STRA8: variants seen among roughly 807,000 people sequenced by gnomAD.
The protein encoded by STRA8 is stimulated by retinoic acid gene 8 protein homolog.
A neutral mutation model predicts 37.1 loss-of-function variants in STRA8; 18 were observed. The ratio of observed to expected loss-of-function variants is 0.48; its 90% CI spans 0.34 to 0.72. The LOEUF (loss-of-function observed/expected upper bound fraction) is 0.72. Ranked by LOEUF, STRA8 falls within the 30% of genes least tolerant of loss-of-function variation. STRA8 has a pLI of 0.01. For missense variants in STRA8, 357 were observed against 410.4 expected, an observed-to-expected ratio of 0.87 and a Z score of 1.13; for synonymous variants, 168 against 162.9, an observed-to-expected ratio of 1.03 and a Z score of -0.24.
intron 8 of STRA8, among the ~76,000 whole-genome samples, chr7:135,258,016 C>T (rs910152442): frequency 7.2e-5 from 11 of 152,272 alleles, no homozygotes; most frequent in Non-Finnish European, 1.5e-4. Context: ...ACAGAGAGCA[C>T]GCTGTCTCAT....
chr7:135,255,689 G>A (rs2075382), intron 8 of STRA8, among the ~76,000 whole-genome samples: 35,566 of 152,152 alleles, frequency 0.23, 5,048 homozygotes, highest in East Asian at 0.54. Flanking sequence ...GATGATCTGA[G>A]GTGGAAGAGT....
In STRA8 at chr7:135,254,666, G is replaced by C. The variant is rs186896300; in HGVS notation, c.954-448G>C. 1.5e-3 allele frequency among the ~76,000 whole-genome samples: 222 copies of C among 152,354 alleles called. 2 individuals carry two copies. Among genetic ancestry groups the C allele is most frequent in the Admixed American group, 0.014 (207 of 15,304 alleles). On this transcript the variant is annotated intron_variant, in intron 7 of 8. Coordinates refer to ENST00000662584, the MANE Select transcript of STRA8 (RefSeq NM_001394401.1). ...TTGTCCCAGGCAGGCAGGAGGAAAAGAGCCTGCACAACAGGCCTCCTTTCT... is the reference window on the plus strand; with the variant it reads ...TTGTCCCAGGCAGGCAGGAGGAAAACAGCCTGCACAACAGGCCTCCTTTCT...
intron 8 of STRA8, among the ~76,000 whole-genome samples, chr7:135,258,097 A>T (rs1002441270): frequency 4.7e-4 from 72 of 152,272 alleles, no homozygotes; most frequent in Non-Finnish European, 8.4e-4. Context: ...ACCGTCTTCT[A>T]TTGATGAGCA....
rs367902224 is a variant in STRA8 at position 135,246,850 on chromosome 7, T to C, written c.879+148T>C. The C allele has an allele frequency of 7.6e-4, 248 of 328,014 alleles. No homozygotes were observed. In the African/African-American group the frequency reaches 0.011, roughly 15 times the overall value. 20.3% of individuals were successfully genotyped at this position (328,014 alleles called of 1,614,324 possible). On this transcript the variant is annotated intron_variant, in intron 6 of 8. Coordinates refer to ENST00000662584, the MANE Select transcript of STRA8 (RefSeq NM_001394401.1). This position sits in a 1 kb window ranked among gnomAD's most constrained non-coding sequence, Gnocchi z 5.4. ...CGGTTTCTGATTTTCTTTTTTCTCT[T>C]TTTTTTTTTTTTGAGACGGAGTCTC...
chr7:135,243,352 G>A lies in STRA8; in HGVS notation c.295G>A (p.Ala99Thr). 6.2e-7 allele frequency: 1 copy of A among 1,614,202 alleles called. No homozygotes were observed. The highest frequency in any genetic ancestry group is 2.2e-5 in the East Asian group (1 of 44,886). ...ATCCTTCAACCTGGAAGATGGGCATGCAAGCAGCTTAGAGGAGGTCAAGAA... is the reference window on the plus strand; with the variant it reads ...ATCCTTCAACCTGGAAGATGGGCATACAAGCAGCTTAGAGGAGGTCAAGAA... ...KASFNLEDGH[A>T]SSLEEVKKEY... Residue 99 changes from alanine (A) to threonine (T), a missense_variant, in exon 4 of 9, where the codon GCA becomes ACA. Ala to Thr is a moderately conservative substitution (Grantham distance 58). Transcript: ENST00000662584.
chr7:135,232,124 C>A, upstream of STRA8: 4 of 615,390 alleles, frequency 6.5e-6, no homozygotes, highest in South Asian at 1.4e-5. Context: ...GTGGTTGGGG[C>A]GGGAGGTGGG....
At chr7:135,251,979 G>GAGAC (rs902444478) in intron 7 of STRA8, 110 bp downstream of exon 7, 2 of 951,292 alleles carry the variant, frequency 2.1e-6, no homozygotes, top group Non-Finnish European at 3.4e-6. Context: ...TGGTAAGTCA[G>GAGAC]AGACAGAGAG....
chr7:135,247,616 G>A (rs542604398), intron 6 of STRA8, among the ~76,000 whole-genome samples: 9 of 152,328 alleles, frequency 5.9e-5, no homozygotes, highest in East Asian at 1.9e-4. Context: ...CCAATGACTG[G>A]CCATAGAGGG....
At chr7:135,253,187 G>A (rs184431838) in intron 7 of STRA8, among the ~76,000 whole-genome samples, 4 of 152,130 alleles carry the variant, frequency 2.6e-5, no homozygotes, top group East Asian at 1.9e-4. Flanking sequence ...CACCCACCTC[G>A]GCTCCCAAAA....
chr7:135,251,706 G>A, intron 6 of STRA8, 90 bp from the exon 7 acceptor site: 1 of 1,274,598 alleles, frequency 7.8e-7, no homozygotes, highest in Non-Finnish European at 1.1e-6. Context: ...TAAAGAGAGA[G>A]CCTTTCCACT....
intron 6 of STRA8, among the ~76,000 whole-genome samples, chr7:135,247,512 C>T (rs1047876377): frequency 4.6e-5 from 7 of 152,178 alleles, no homozygotes; most frequent in African/African-American, 7.2e-5. Flanking sequence ...AGATTTCCTA[C>T]GAAAGCTCTT....
chr7:135,243,476 G>T, intron 4 of STRA8, 66 bp downstream of exon 4: 1 of 1,482,554 alleles, frequency 6.7e-7, no homozygotes, highest in South Asian at 1.2e-5. Flanking sequence ...AGTACTGTCT[G>T]GTGGCAACTC....
At chr7:135,254,990 G>A (rs1832684828) in intron 7 of STRA8, 124 bp from the exon 8 acceptor site, 2 of 751,938 alleles carry the variant, frequency 2.7e-6, no homozygotes, top group African/African-American at 1.7e-5. Context: ...AGAGGTCTGG[G>A]CTGTCTGAGA....
chr7:135,235,921 C>T (rs1832369337), intron 1 of STRA8, among the ~76,000 whole-genome samples: 1 of 151,990 alleles, frequency 6.6e-6, no homozygotes. Context: ...CCAACCCGGG[C>T]AACATAGTGA....
In STRA8 at chr7:135,246,202, A is replaced by T. The variant is rs1161887022; in HGVS notation, c.594-215A>T. 2 of 614,128 alleles carry T rather than the reference A, an allele frequency of 3.3e-6. No homozygotes were observed. Among genetic ancestry groups the T allele is most frequent in the East Asian group, 5.6e-5 (2 of 35,508 alleles). The allele number at this position is 614,128 out of a possible 1,614,324, so 38.0% of individuals were successfully genotyped here. The stretch of plus-strand genomic sequence containing the variant: ...GGGCAGGGACTGGGAGAACTTGGGG[A>T]GGGGCCCCAAAGCCCAAGTCTATGT... On this transcript the variant is annotated intron_variant, in intron 5 of 8. Coordinates refer to ENST00000662584, the MANE Select transcript of STRA8 (RefSeq NM_001394401.1). The surrounding 1 kb of genome is among the most constrained non-coding windows in gnomAD (Gnocchi z 5.4).
At chr7:135,245,558 C>A (rs950771861) in intron 5 of STRA8, among the ~76,000 whole-genome samples, 31 bp downstream of exon 5, 1 of 152,162 alleles carries the variant, frequency 6.6e-6, no homozygotes, top group African/African-American at 2.4e-5. Context: ...TGGCTCTGTG[C>A]ACCCATGGAG....
intron 8 of STRA8, among the ~76,000 whole-genome samples, chr7:135,256,805 G>GACA (rs926894970): frequency 6.6e-6 from 1 of 152,016 alleles, no homozygotes. Context: ...ACTCTCTCCA[G>GACA]ACAACAACAA....
chr7:135,243,552 G>A (rs536646684), intron 4 of STRA8, 142 bp downstream of exon 4: 4 of 615,872 alleles, frequency 6.5e-6, no homozygotes, highest in Middle Eastern at 4.1e-4. Flanking sequence ...GCCATATGCT[G>A]GAGACCATTC....
intron 1 of STRA8, 41 bp from the exon 2 acceptor site, chr7:135,240,478 A>G (rs1298618544): frequency 1.3e-6 from 2 of 1,562,830 alleles, no homozygotes; most frequent in Admixed American, 3.7e-5. Context: ...TTGTATTTTT[A>G]TTATCTAGGG....
Sources: gnomAD v4.1 joint callset for allele counts (sites outside exome capture counted in the v4.1 genomes callset) on GRCh38, gnomAD v4.1.1 for gene constraint, Gnocchi (gnomAD v3.1) non-coding constraint, MANE v1.5 for transcripts, NCBI Gene and HGNC (gene_info 2026-07-23, HGNC 2026-07-21) for gene names.